The following NTM variants were observed in gnomAD, a reference collection of about 807,000 sequenced individuals.
NTM encodes the protein neurotrimin, also known as IgLON family member 2.
A neutral mutation model predicts 42.1 loss-of-function variants in NTM; 13 were observed. The observed-to-expected ratio is 0.31, with a 90% CI of 0.20 to 0.49. The LOEUF is 0.49. Among genes scored for constraint, NTM ranks in the 20% least tolerant of loss-of-function variants. The probability of loss-of-function intolerance (pLI) is 0.99; values close to 1 mark genes in which losing one functional copy is unlikely to be tolerated. For synonymous variants in NTM, 187 were observed against 179.2 expected, an observed-to-expected ratio of 1.04 and a Z score of -0.35; for missense variants, 373 against 452.8, an observed-to-expected ratio of 0.82 and a Z score of 1.60.
intron 2 of NTM, among the ~76,000 whole-genome samples, chr11:131,971,348 C>G (rs886752350): frequency 6.6e-5 from 10 of 152,154 alleles, no homozygotes; most frequent in African/African-American, 2.2e-4. Context: ...TGTGTGCTTT[C>G]TCGGCTTTTT....
intron 1 of NTM, among the ~76,000 whole-genome samples, chr11:131,871,940 G>T (rs555930810): frequency 6.6e-6 from 1 of 152,088 alleles, no homozygotes; most frequent in South Asian, 2.1e-4. Flanking sequence ...CTAAAATTTG[G>T]AGGAATGTGT....
At chr11:131,903,492 A>G (rs973780444) in intron 1 of NTM, among the ~76,000 whole-genome samples, 1 of 152,224 alleles carries the variant, frequency 6.6e-6, no homozygotes, top group Admixed American at 6.5e-5. Context: ...ACTTTTAATC[A>G]TCTTGACTCT....
intron 1 of NTM, among the ~76,000 whole-genome samples, chr11:131,858,756 G>A (rs949081662): frequency 1.3e-5 from 2 of 152,166 alleles, no homozygotes; most frequent in African/African-American, 4.8e-5. Flanking sequence ...AATAGGGAAC[G>A]AGGGAGTGAA....
chr11:132,242,374 G>GA (rs1350946788), intron 4 of NTM, among the ~76,000 whole-genome samples: 2 of 152,088 alleles, frequency 1.3e-5, no homozygotes, highest in South Asian at 2.1e-4. Flanking sequence ...AATTTGTGAA[G>GA]AAAAAATGTT....
intron 3 of NTM, among the ~76,000 whole-genome samples, chr11:132,192,837 A>T (rs1173884536): frequency 6.6e-6 from 1 of 152,190 alleles, no homozygotes; most frequent in Admixed American, 6.5e-5. Flanking sequence ...AATGAAAAAG[A>T]GTAGGGGTCG....
chr11:132,240,583 A>T (rs921402352), intron 4 of NTM, among the ~76,000 whole-genome samples: 1 of 152,244 alleles, frequency 6.6e-6, no homozygotes, highest in African/African-American at 2.4e-5. Flanking sequence ...CCCTCAGCTT[A>T]GCTCTAGAGA....
intron 2 of NTM, among the ~76,000 whole-genome samples, chr11:132,046,466 T>C (rs1391439414): frequency 6.6e-6 from 1 of 152,196 alleles, no homozygotes; most frequent in Non-Finnish European, 1.5e-5. Flanking sequence ...TTTACTGCTG[T>C]GAGTTATTAT....
rs145441851 is a variant in NTM, at chr11:132,003,353, C to T, written c.167+91705C>T. On this transcript the variant is annotated intron_variant, in intron 2 of 8. Coordinates refer to ENST00000683400, the MANE Select transcript of NTM (RefSeq NM_001352005.2). This position sits in a 1 kb window ranked among gnomAD's most constrained non-coding sequence, Gnocchi z 6.0. ...CTCAACCTCCTGGGCTCAAATGATC[C>T]TCACACCTCAGCCTCCCTAGTAGCT... Among the ~76,000 whole-genome samples, 3,000 of 151,944 alleles carry T rather than the reference C, an allele frequency of 0.02. 96 individuals are homozygous for T. The highest frequency in any genetic ancestry group is 0.066 in the African/African-American group (2,720 of 41,412).
intron 2 of NTM, among the ~76,000 whole-genome samples, chr11:132,134,761 CTCA>C (rs2067555739): frequency 1.0e-5 from 1 of 97,782 alleles, no homozygotes; most frequent in Non-Finnish European, 2.1e-5. Context: ...ATATATATAT[CTCA>C]CATTTTCTTT....
At chr11:131,405,981 C>T (rs1427583491) in intron 1 of NTM, among the ~76,000 whole-genome samples, 1 of 152,216 alleles carries the variant, frequency 6.6e-6, no homozygotes, top group East Asian at 1.9e-4. Context: ...AGAGCCCTTT[C>T]TCTTTCACCC....
chr11:131,662,794 T>C (rs1312998758), intron 1 of NTM, among the ~76,000 whole-genome samples: 1 of 152,110 alleles, frequency 6.6e-6, no homozygotes, highest in Admixed American at 6.5e-5. Flanking sequence ...CCTGTGGACC[T>C]CAGAACTTGC....
intron 1 of NTM, among the ~76,000 whole-genome samples, chr11:131,618,412 C>A (rs2062170373): frequency 6.6e-6 from 1 of 152,228 alleles, no homozygotes; most frequent in Admixed American, 6.5e-5. Context: ...AAGATGGATA[C>A]AGATGTTGCA....
intron 1 of NTM, among the ~76,000 whole-genome samples, chr11:131,669,681 T>A (rs1006957267): frequency 6.6e-6 from 1 of 151,904 alleles, no homozygotes; most frequent in African/African-American, 2.4e-5. Context: ...ATAGCCTGGG[T>A]TTTTGGCCAC....
intron 1 of NTM, among the ~76,000 whole-genome samples, chr11:131,614,230 G>A (rs961824815): frequency 1.8e-4 from 27 of 152,250 alleles, no homozygotes; most frequent in Non-Finnish European, 2.2e-4. Flanking sequence ...GACCGTGAGC[G>A]CAGTGGACAG....
intron 2 of NTM, among the ~76,000 whole-genome samples, chr11:132,049,229 C>A (rs1183567855): frequency 6.6e-6 from 1 of 152,142 alleles, no homozygotes; most frequent in Non-Finnish European, 1.5e-5. Context: ...AAAACAGCAA[C>A]AACAAGAACA....
At chr11:131,735,238 T>G (rs1295301598) in intron 1 of NTM, among the ~76,000 whole-genome samples, 1 of 152,238 alleles carries the variant, frequency 6.6e-6, no homozygotes, top group Non-Finnish European at 1.5e-5. Flanking sequence ...AAGGCACTCT[T>G]CACAGCTGCC....
intron 1 of NTM, among the ~76,000 whole-genome samples, chr11:131,390,741 T>C (rs1943898036): frequency 6.6e-6 from 1 of 152,118 alleles, no homozygotes; most frequent in Non-Finnish European, 1.5e-5. Context: ...GCTGGCAGCA[T>C]CAGGGTCCCC....
chr11:131,563,944 C>T (rs755130106), intron 1 of NTM, among the ~76,000 whole-genome samples: 14 of 152,132 alleles, frequency 9.2e-5, no homozygotes, highest in Admixed American at 1.3e-4. Context: ...TATGTGGCTG[C>T]GTTGCCAAAG....
rs949422869 is a variant in NTM at position 132,274,930 on chromosome 11, A to T, written c.527-32759A>T. 1.1e-3 allele frequency among the ~76,000 whole-genome samples: 168 copies of T among 152,258 alleles called. 1 individual carries two copies. The highest frequency in any genetic ancestry group is 3.7e-3 in the African/African-American group (155 of 41,560). ...CTTGGATAGTTCTTTGCCCATTTTC[A>T]AATAAAATGCATTATGTTATTTTTG... On this transcript the variant is annotated intron_variant, in intron 4 of 8. Transcript: ENST00000683400.
Sources: allele counts gnomAD v4.1 joint callset (sites outside exome capture counted in the v4.1 genomes callset), GRCh38; gene constraint gnomAD v4.1.1; non-coding constraint Gnocchi (gnomAD v3.1); transcripts MANE v1.5; gene names NCBI Gene and HGNC (gene_info 2026-07-23, HGNC 2026-07-21).